DHX32: variants seen among roughly 807,000 people sequenced by gnomAD.
DHX32 encodes the protein putative pre-mRNA-splicing factor ATP-dependent RNA helicase DHX32.
In DHX32, 51 loss-of-function variants were observed where a neutral mutation model predicts 70.0. The ratio of observed to expected loss-of-function variants is 0.73; its 90% confidence interval spans 0.58 to 0.92. The LOEUF is 0.92. Ranked by LOEUF, DHX32 falls within the 40% of genes least tolerant of loss-of-function variation. The pLI is 0.00. For synonymous variants in DHX32, 310 were observed against 315.3 expected, an observed-to-expected ratio of 0.98 and a Z score of 0.18; for missense variants, 762 against 891.8, an observed-to-expected ratio of 0.85 and a Z score of 1.85.
intron 1 of DHX32, among the ~76,000 whole-genome samples, chr10:125,892,257 C>T (rs1331433626): frequency 1.3e-5 from 2 of 152,292 alleles, no homozygotes; most frequent in African/African-American, 4.8e-5. Flanking sequence ...CTTATTCCCA[C>T]CATCGCTCTC....
At chr10:125,841,051 C>T in intron 7 of DHX32, 55 bp from the exon 8 acceptor site, 2 of 1,559,920 alleles carry the variant, frequency 1.3e-6, no homozygotes, top group Non-Finnish European at 8.7e-7. Context: ...TTTATCTTAG[C>T]CTAACATGCA....
Position 125,880,721 on chromosome 10 carries a change from C to A in DHX32, c.104G>T (p.Cys35Phe), listed in dbSNP as rs1180740558. 4 of 1,614,212 alleles carry A rather than the reference C, an allele frequency of 2.5e-6. No homozygotes were observed. Among genetic ancestry groups the A allele is most frequent in the Middle Eastern group, 3.3e-4 (2 of 6,062 alleles). ...AAAGGGGTTAAGTTCCAAATCCTCA[C>A]AGGCCAAAACCTCTTCCTCATCCCC... ...SDGDEEEVLACEDLELNPFDG... is the reference protein window; with the variant it reads ...SDGDEEEVLAFEDLELNPFDG... Residue 35 changes from cysteine to phenylalanine, a missense_variant, in exon 1 of 11, where the codon TGT becomes TTT. By Grantham distance (205) the Cys-to-Phe change is radical (BLOSUM62 -2). Around this residue, in one of 3 missense-constraint regions of DHX32, gnomAD observed 394 missense variants for 473.1 expected, o/e 0.83. Coordinates refer to ENST00000284690, the MANE Select transcript of DHX32 (RefSeq NM_018180.3).
chr10:125,836,371 T>C lies in DHX32; in HGVS notation c.*316A>G. On this transcript the variant is annotated 3_prime_UTR_variant, in exon 11 of 11. Coordinates refer to ENST00000284690, the MANE Select transcript of DHX32 (RefSeq NM_018180.3). ...AAACTCAGACTTTATTCAGATTAAGTTCCTCTACAAAAAGTAGGGTTCTGT... is the reference window on the plus strand; with the variant it reads ...AAACTCAGACTTTATTCAGATTAAGCTCCTCTACAAAAAGTAGGGTTCTGT... 6.3e-7 allele frequency: 1 copy of C among 1,575,030 alleles called. No homozygotes were observed. Among genetic ancestry groups the C allele is most frequent in the East Asian group, 2.3e-5 (1 of 44,100 alleles).
At chr10:125,853,434 TAATA>T in intron 4 of DHX32, 1 of 319,590 alleles carries the variant, frequency 3.1e-6, no homozygotes, top group Non-Finnish European at 5.6e-6. Context: ...AATTTAAAAG[TAATA>T]AAGAATATTT....
At position 125,866,400 on chromosome 10, in the gene DHX32, G is replaced by C. The variant is rs1731436874; in HGVS notation, c.476+590C>G. ...CACAGAGAAGTCTCCTTGGAACATA[G>C]AAGACTCTGCAAAGCACAGTTTGAG... On this transcript the variant is annotated intron_variant, in intron 2 of 10. Transcript: ENST00000284690. This position sits in a 1 kb window ranked among gnomAD's most constrained non-coding sequence, Gnocchi z 4.8. Among the ~76,000 whole-genome samples the C allele has an allele frequency of 6.6e-6, 1 of 152,162 alleles. No individual in the cohort carries two copies. Among genetic ancestry groups the C allele is most frequent in the Non-Finnish European group, 1.5e-5 (1 of 68,028 alleles).
At chr10:125,850,266 C>T (rs1944073113) in intron 6 of DHX32, among the ~76,000 whole-genome samples, 2 of 146,350 alleles carry the variant, frequency 1.4e-5, no homozygotes, top group African/African-American at 2.8e-5. Context: ...GTGTGAGCCA[C>T]CATGCCCAGC....
At chr10:125,860,995 A>G (rs1466590055) in intron 2 of DHX32, among the ~76,000 whole-genome samples, 1 of 151,784 alleles carries the variant, frequency 6.6e-6, no homozygotes, top group Non-Finnish European at 1.5e-5. Context: ...CTTGTGATCC[A>G]GCCACCTTGG....
chr10:125,883,163 G>C (rs991878797), upstream of DHX32, among the ~76,000 whole-genome samples: 1 of 152,084 alleles, frequency 6.6e-6, no homozygotes, highest in Non-Finnish European at 1.5e-5. Context: ...TTTCTGAATA[G>C]TCTTCTTTCT....
intron 3 of DHX32, among the ~76,000 whole-genome samples, chr10:125,856,764 A>G (rs1944150528): frequency 6.6e-6 from 1 of 151,988 alleles, no homozygotes; most frequent in Non-Finnish European, 1.5e-5. Context: ...TGGGCAACAT[A>G]GTTAGACCCC....
At chr10:125,864,307 G>C (rs1468769141) in intron 2 of DHX32, among the ~76,000 whole-genome samples, 5 of 152,164 alleles carry the variant, frequency 3.3e-5, no homozygotes, top group Non-Finnish European at 5.9e-5. Context: ...TGAAGAATAA[G>C]GCAGCCCAGC....
intron 1 of DHX32, among the ~76,000 whole-genome samples, chr10:125,870,075 GTAAAA>G (rs1169078171): frequency 2.0e-5 from 3 of 152,276 alleles, no homozygotes; most frequent in Admixed American, 6.5e-5. Flanking sequence ...AAATTGGAAA[GTAAAA>G]TAAAATAAAT....
chr10:125,848,042 A>G (rs540069544), intron 6 of DHX32, among the ~76,000 whole-genome samples: 86 of 152,346 alleles, frequency 5.6e-4, no homozygotes, highest in Non-Finnish European at 1.1e-3. Context: ...ACACATTTAC[A>G]TAAATGGACA....
At chr10:125,848,384 A>G (rs191706415) in intron 6 of DHX32, among the ~76,000 whole-genome samples, 278 of 152,300 alleles carry the variant, frequency 1.8e-3, no homozygotes, top group African/African-American at 6.5e-3. Context: ...TTGTACCTCT[A>G]AATAACCCCA....
At chr10:125,841,255 G>C in intron 7 of DHX32, 3 of 1,613,812 alleles carry the variant, frequency 1.9e-6, no homozygotes, top group Non-Finnish European at 2.5e-6. Flanking sequence ...ATTCCGGCAG[G>C]AGCAGGGAAA....
rs542692416 is a variant in DHX32 at position 125,841,242 on chromosome 10, T to C, written c.1544-246A>G. ...AACTGAATATGGTTAATATCCTGCT[T>C]CTATTCCGGCAGGAGCAGGGAAAAC... is the stretch of plus-strand genomic sequence containing the variant. On this transcript the variant is annotated intron_variant, in intron 7 of 10. Transcript: ENST00000284690. The C allele has an allele frequency of 1.3e-4, 202 of 1,610,006 alleles. 1 individual carries two copies. In the South Asian group the frequency reaches 1.9e-3, roughly 16 times the overall value.
chr10:125,852,239 AG>A, intron 6 of DHX32, 53 bp downstream of exon 6: 4 of 1,593,482 alleles, frequency 2.5e-6, no homozygotes, highest in Non-Finnish European at 3.4e-6. Flanking sequence ...GAGAATGGGC[AG>A]GAGAAGGTGA....
At chr10:125,841,371 C>G (rs757822772) in intron 7 of DHX32, 5 of 1,613,096 alleles carry the variant, frequency 3.1e-6, no homozygotes, top group Middle Eastern at 3.3e-4. Flanking sequence ...TTAAAACATA[C>G]AAGCCAGGAT....
intron 7 of DHX32, chr10:125,841,361 T>C (rs1052344282): frequency 3.1e-6 from 5 of 1,613,858 alleles, no homozygotes; most frequent in Admixed American, 1.7e-5. Context: ...TTAGAATAAA[T>C]TAAAACATAC....
At chr10:125,875,467 A>C (rs898274494) in intron 1 of DHX32, among the ~76,000 whole-genome samples, 2 of 152,230 alleles carry the variant, frequency 1.3e-5, no homozygotes, top group African/African-American at 2.4e-5. Flanking sequence ...TTGAACAACA[A>C]AGTAAGTAGG....
Sources: allele counts gnomAD v4.1 joint callset (sites outside exome capture counted in the v4.1 genomes callset), GRCh38; gene constraint gnomAD v4.1.1; regional missense constraint gnomAD v4.1.1; non-coding constraint Gnocchi (gnomAD v3.1); transcripts MANE v1.5; gene names NCBI Gene and HGNC (gene_info 2026-07-23, HGNC 2026-07-21).